Variants in FHIT observed in about 807,000 individuals in gnomAD.
FHIT encodes fragile histidine triad diadenosine triphosphatase.
FHIT carries 19 observed loss-of-function variants against 17.9 expected under a neutral mutation model. The observed-to-expected ratio is 1.06, with a 90% CI of 0.74 to 1.56. FHIT has a LOEUF of 1.56. Among genes scored for constraint, FHIT ranks in the 40% most tolerant of loss-of-function variants. The pLI is 0.00. For missense variants in FHIT, 248 were observed against 189.2 expected (o/e 1.31, Z -1.82); for synonymous variants, 81 against 69.7 (o/e 1.16, Z -0.81).
At chr3:60,716,841 G>A (rs975300962) in intron 4 of FHIT, among the ~76,000 whole-genome samples, 2 of 152,132 alleles carry the variant, frequency 1.3e-5, no homozygotes, top group African/African-American at 4.8e-5. Flanking sequence ...AATGTCACTA[G>A]GCAATAGGAA....
Position 59,936,327 on chromosome 3 carries a change from T to C in FHIT, c.280-13913A>G, listed in dbSNP as rs553853991. ...AATTTGTAGAGTGATTCCCTCTGGG[T>C]GCCTTTCTGTTGGGTACACAAAAAA... On this transcript the variant is annotated intron_variant, in intron 7 of 9. Transcript: ENST00000492590. Among the ~76,000 whole-genome samples the C allele has an allele frequency of 1.2e-4, 18 of 152,326 alleles. No individual in the cohort carries two copies. The East Asian group carries it at 2.3e-3, about 20-fold the overall frequency.
intron 3 of FHIT, among the ~76,000 whole-genome samples, chr3:60,986,844 T>C (rs1252388259): frequency 2.0e-5 from 3 of 152,202 alleles, no homozygotes; most frequent in African/African-American, 7.2e-5. Flanking sequence ...ACTTACTCAT[T>C]AATTCTTACC....
intron 5 of FHIT, among the ~76,000 whole-genome samples, chr3:60,294,741 T>C (rs984506457): frequency 7.2e-5 from 11 of 152,238 alleles, no homozygotes; most frequent in South Asian, 2.1e-4. Context: ...CTGTTCTCCA[T>C]TTCTATACTT....
intron 7 of FHIT, among the ~76,000 whole-genome samples, chr3:59,955,634 C>T (rs909861539): frequency 6.6e-6 from 1 of 152,172 alleles, no homozygotes; most frequent in Non-Finnish European, 1.5e-5. Context: ...ACTGAACTCT[C>T]CATTGCCCCA....
chr3:59,923,997 T>C (rs552624514), intron 7 of FHIT, among the ~76,000 whole-genome samples: 2 of 152,218 alleles, frequency 1.3e-5, no homozygotes, highest in East Asian at 3.9e-4. Flanking sequence ...TTGGGCCAAG[T>C]GTGCACTTCA....
chr3:60,202,433 G>T (rs529543776), intron 5 of FHIT, among the ~76,000 whole-genome samples: 2 of 152,132 alleles, frequency 1.3e-5, no homozygotes, highest in African/African-American at 2.4e-5. Flanking sequence ...AAAGAGAAAG[G>T]GGGTACTGCT....
intron 5 of FHIT, among the ~76,000 whole-genome samples, chr3:60,457,785 C>T (rs149321846): frequency 2.1e-3 from 320 of 150,944 alleles, no homozygotes; most frequent in African/African-American, 7.4e-3. Flanking sequence ...TATGAACAGA[C>T]ACTTCTCAAA....
At chr3:60,652,496 G>A (rs1255672874) in intron 4 of FHIT, among the ~76,000 whole-genome samples, 1 of 152,072 alleles carries the variant, frequency 6.6e-6, no homozygotes. Flanking sequence ...CACTTTGGGA[G>A]GCCCAGGAGG....
intron 5 of FHIT, among the ~76,000 whole-genome samples, chr3:60,210,532 AC>A (rs66849682): frequency 1 from 152,278 of 152,282 alleles, 76,137 homozygotes; most frequent in Non-Finnish European, 1. Flanking sequence ...CCCAATATAC[AC>A]CAGGGCTGCA....
intron 5 of FHIT, among the ~76,000 whole-genome samples, chr3:60,343,422 T>C (rs28610194): frequency 0.041 from 6,217 of 152,212 alleles, 239 homozygotes; most frequent in East Asian, 0.21. Flanking sequence ...GCTATTTAAG[T>C]ATAGCTCATA....
chr3:59,875,952 A>G (rs181825811), intron 8 of FHIT, among the ~76,000 whole-genome samples: 1 of 126,120 alleles, frequency 7.9e-6, no homozygotes, highest in East Asian at 2.9e-4. Context: ...AAAAGAAAAA[A>G]AAAAGAAAAA....
intron 5 of FHIT, among the ~76,000 whole-genome samples, chr3:60,256,520 C>T (rs915299182): frequency 1.4e-4 from 21 of 152,266 alleles, no homozygotes; most frequent in Admixed American, 3.9e-4. Flanking sequence ...CCTATGGTTA[C>T]GCCATTTTGT....
At chr3:60,174,259 T>C (rs974775193) in intron 5 of FHIT, among the ~76,000 whole-genome samples, 1 of 151,598 alleles carries the variant, frequency 6.6e-6, no homozygotes, top group Admixed American at 6.6e-5. Flanking sequence ...GAAAAAAAAA[T>C]CTTATGGCTA....
intron 8 of FHIT, among the ~76,000 whole-genome samples, chr3:59,753,227 A>G (rs2106737612): frequency 6.6e-6 from 1 of 152,286 alleles, no homozygotes; most frequent in Non-Finnish European, 1.5e-5. Context: ...GTAAGTAATA[A>G]GTATTTCCAT....
chr3:60,179,149 C>A (rs760142380), intron 5 of FHIT, among the ~76,000 whole-genome samples: 4 of 152,126 alleles, frequency 2.6e-5, no homozygotes, highest in Non-Finnish European at 4.4e-5. Context: ...TACCACGTGG[C>A]CGCATTCCAT....
intron 7 of FHIT, among the ~76,000 whole-genome samples, chr3:60,005,704 T>C (rs1699897858): frequency 6.6e-6 from 1 of 152,204 alleles, no homozygotes; most frequent in South Asian, 2.1e-4. Flanking sequence ...AGGAAATACA[T>C]GCATTAGGTA....
intron 7 of FHIT, among the ~76,000 whole-genome samples, chr3:60,007,386 G>A (rs1699966366): frequency 6.6e-6 from 1 of 152,160 alleles, no homozygotes; most frequent in Non-Finnish European, 1.5e-5. Flanking sequence ...GAATATTGCT[G>A]ACTGCATGCT....
chr3:59,868,424 C>T (rs57492294), intron 8 of FHIT, among the ~76,000 whole-genome samples: 2,420 of 152,252 alleles, frequency 0.016, 27 homozygotes, highest in South Asian at 0.021. Context: ...TGCTACTTAT[C>T]AATGGACTCT....
chr3:61,214,989 G>C (rs1048877045), intron 1 of FHIT, among the ~76,000 whole-genome samples: 1 of 151,304 alleles, frequency 6.6e-6, no homozygotes, highest in Admixed American at 6.6e-5. Flanking sequence ...AATGAATTAG[G>C]TATTGATGGG....
Sources: allele counts gnomAD v4.1 joint callset (sites outside exome capture counted in the v4.1 genomes callset), GRCh38; gene constraint gnomAD v4.1.1; transcripts MANE v1.5; gene names NCBI Gene and HGNC (gene_info 2026-07-23, HGNC 2026-07-21).